Variants in RBFOX1 observed in about 807,000 individuals in gnomAD.
RBFOX1 encodes the protein RNA binding protein fox-1 homolog 1.
RBFOX1 carries 8 observed loss-of-function variants against 57.7 expected under a neutral mutation model. The observed-to-expected ratio is 0.14, with a 90% CI of 0.08 to 0.25. The LOEUF (loss-of-function observed/expected upper bound fraction) is 0.25, where lower values mean the gene tolerates loss of function less well. Ranked by LOEUF, RBFOX1 falls within the 10% of genes least tolerant of loss-of-function variation. The pLI is 1.00. For synonymous variants in RBFOX1, 326 were observed against 222.4 expected, an observed-to-expected ratio of 1.47 and a Z score of -4.15; for missense variants, 611 against 548.5, an observed-to-expected ratio of 1.11 and a Z score of -1.14.
chr16:7,649,793 C>G (rs2064567556), intron 11 of RBFOX1, among the ~76,000 whole-genome samples: 1 of 152,114 alleles, frequency 6.6e-6, no homozygotes, highest in Non-Finnish European at 1.5e-5. Context: ...TGCATGCACG[C>G]ACCAGTAAGC....
rs540029218 is a variant in RBFOX1 at position 7,606,681 on chromosome 16, T to G, written c.623-604T>G. ...TTCCATTAATCATATATACAGATTA[T>G]TTGAAAGTTACCTTAGATATCATAC... On this transcript the variant is annotated intron_variant, in intron 9 of 15. Transcript: ENST00000550418. Among the ~76,000 whole-genome samples the G allele has an allele frequency of 3.0e-3, 461 of 152,358 alleles. 3 individuals are homozygous for G. Among genetic ancestry groups the G allele is most frequent in the African/African-American group, 0.01 (433 of 41,590 alleles).
intron 3 of RBFOX1, among the ~76,000 whole-genome samples, chr16:6,679,948 T>C (rs957198641): frequency 6.8e-6 from 1 of 148,004 alleles, no homozygotes; most frequent in South Asian, 2.1e-4. Flanking sequence ...TGGAGTTCTT[T>C]AAAGTAGTGT....
chr16:5,956,319 A>T (rs1048613981), intron 4 of RBFOX1, among the ~76,000 whole-genome samples: 1 of 152,168 alleles, frequency 6.6e-6, no homozygotes, highest in Non-Finnish European at 1.5e-5. Context: ...GCCCAGTAAA[A>T]TTTGAATTTT....
At chr16:7,496,702 T>TA (rs1555517435) in intron 4 of RBFOX1, among the ~76,000 whole-genome samples, 4 of 147,824 alleles carry the variant, frequency 2.7e-5, no homozygotes, top group East Asian at 2.0e-4. Flanking sequence ...TTTTTTTTTT[T>TA]AAATTTGACC....
At chr16:5,779,493 G>A (rs1396429834) in intron 3 of RBFOX1, among the ~76,000 whole-genome samples, 6 of 152,128 alleles carry the variant, frequency 3.9e-5, no homozygotes, top group South Asian at 2.1e-4. Flanking sequence ...TTATCTCATG[G>A]TGTGGGGCCC....
At chr16:6,404,776 A>T (rs1272669431) in intron 2 of RBFOX1, among the ~76,000 whole-genome samples, 1 of 152,106 alleles carries the variant, frequency 6.6e-6, no homozygotes, top group South Asian at 2.1e-4. Context: ...CATTGCTTCA[A>T]AGAAGAGCAG....
chr16:6,319,378 C>T (rs894745321), intron 2 of RBFOX1, among the ~76,000 whole-genome samples: 2 of 152,056 alleles, frequency 1.3e-5, no homozygotes, highest in African/African-American at 4.8e-5. Context: ...AGTATATTAC[C>T]CCTCATGATA....
chr16:6,522,337 TAAA>T (rs752265710), intron 2 of RBFOX1, among the ~76,000 whole-genome samples: 31 of 152,158 alleles, frequency 2.0e-4, no homozygotes, highest in Non-Finnish European at 3.1e-4. Flanking sequence ...TGATATTTGT[TAAA>T]ATATTGATGG....
chr16:6,965,615 G>A (rs1244101124), intron 3 of RBFOX1, among the ~76,000 whole-genome samples: 1 of 152,208 alleles, frequency 6.6e-6, no homozygotes, highest in Non-Finnish European at 1.5e-5. Flanking sequence ...GAGATGACAG[G>A]CATGAGCCAC....
chr16:7,572,825 TGA>T (rs1396052725), intron 5 of RBFOX1, among the ~76,000 whole-genome samples: 1 of 89,358 alleles, frequency 1.1e-5, no homozygotes, highest in Non-Finnish European at 2.6e-5. Flanking sequence ...GGCAACAGAG[TGA>T]GAGTCTCTCT....
At chr16:5,861,092 C>T (rs544596701) in intron 3 of RBFOX1, among the ~76,000 whole-genome samples, 1 of 152,188 alleles carries the variant, frequency 6.6e-6, no homozygotes, top group African/African-American at 2.4e-5. Context: ...GAGATGGAGT[C>T]ACACTGCCAG....
intron 1 of RBFOX1, among the ~76,000 whole-genome samples, chr16:5,342,984 G>A (rs1410707798): frequency 2.0e-5 from 3 of 152,066 alleles, no homozygotes; most frequent in African/African-American, 7.2e-5. Flanking sequence ...TCCAGTGATC[G>A]GTTCAGGGTT....
chr16:6,453,019 C>T (rs1294887866), intron 2 of RBFOX1, among the ~76,000 whole-genome samples: 3 of 152,142 alleles, frequency 2.0e-5, no homozygotes, highest in Non-Finnish European at 4.4e-5. Flanking sequence ...AATTGTCTTT[C>T]TTTAATTGTC....
At chr16:7,060,048 A>G (rs560662392) in intron 4 of RBFOX1, among the ~76,000 whole-genome samples, 25 of 152,296 alleles carry the variant, frequency 1.6e-4, no homozygotes, top group Admixed American at 5.9e-4. Flanking sequence ...ATTCTTTTCA[A>G]TGTGTCTTGA....
At chr16:6,574,590 AGCT>A (rs2097398105) in intron 2 of RBFOX1, among the ~76,000 whole-genome samples, 1 of 149,746 alleles carries the variant, frequency 6.7e-6, no homozygotes. Flanking sequence ...CACCAAGCCC[AGCT>A]AATTTTTTGT....
chr16:6,662,291 C>T (rs1447012050), intron 3 of RBFOX1, among the ~76,000 whole-genome samples: 3 of 151,368 alleles, frequency 2.0e-5, no homozygotes, highest in Admixed American at 1.3e-4. Context: ...TTCTCACACA[C>T]ACACAAGTCT....
intron 5 of RBFOX1, among the ~76,000 whole-genome samples, chr16:7,552,245 G>C (rs182187954): frequency 6.6e-6 from 1 of 152,150 alleles, no homozygotes; most frequent in East Asian, 1.9e-4. Context: ...CTTGTTTTCA[G>C]GTATGCTTCT....
chr16:7,194,056 A>G (rs999056608), intron 4 of RBFOX1, among the ~76,000 whole-genome samples: 2 of 152,116 alleles, frequency 1.3e-5, no homozygotes, highest in African/African-American at 4.8e-5. Context: ...ATTAAATAAC[A>G]TTGAATCAAT....
chr16:6,568,554 G>T lies in RBFOX1; in HGVS notation c.-63-86049G>T, dbSNP rs138469580. Among the ~76,000 whole-genome samples, 523 of 152,244 alleles carry T rather than the reference G, an allele frequency of 3.4e-3. 5 individuals carry two copies. Among genetic ancestry groups the T allele is most frequent in the African/African-American group, 0.012 (487 of 41,538 alleles). On this transcript the variant is annotated intron_variant, in intron 2 of 15. Transcript: ENST00000550418. ...TGTTCCATTGGAACTCTTGTACAGT[G>T]TGGGAGGAGATGGCACAAAGGCACG...
Sources: allele counts gnomAD v4.1 joint callset (sites outside exome capture counted in the v4.1 genomes callset), GRCh38; gene constraint gnomAD v4.1.1; transcripts MANE v1.5; gene names NCBI Gene and HGNC (gene_info 2026-07-23, HGNC 2026-07-21).